The following SLC13A5 variants were observed in gnomAD, a reference collection of about 807,000 sequenced individuals.
The protein encoded by SLC13A5 is Na(+)/citrate cotransporter.
A neutral mutation model predicts 56.5 loss-of-function variants in SLC13A5; 25 were observed. That is an observed-to-expected ratio of 0.44 (90% confidence interval 0.32 to 0.62). SLC13A5 has a LOEUF of 0.62. Among genes scored for constraint, SLC13A5 ranks in the 20% least tolerant of loss-of-function variants. The pLI is 0.04. For synonymous variants in SLC13A5, 307 were observed against 301.5 expected (o/e 1.02, Z -0.19); for missense variants, 649 against 737.8 (o/e 0.88, Z 1.39).
rs1215244898 is a variant in SLC13A5, at chr17:6,692,233, A to T, written c.1275+811T>A. On this transcript the variant is annotated intron_variant, in intron 9 of 11. Transcript: ENST00000433363. This position sits in a 1 kb window ranked among gnomAD's most constrained non-coding sequence, Gnocchi z 5.5. ...GATAGATGGGTGGATGGATGGACAG[A>T]TGGATGGATGGATGGATGGATGGAT... 2.0e-5 allele frequency among the ~76,000 whole-genome samples: 2 copies of T among 101,550 alleles called. No individual in the cohort carries two copies. The highest frequency in any genetic ancestry group is 4.4e-5 in the Non-Finnish European group (2 of 44,982). 66.6% of individuals were successfully genotyped at this position (101,550 alleles called of 152,430 possible).
intron 11 of SLC13A5, 153 bp from the exon 12 acceptor site, chr17:6,686,491 A>G (rs1973256227): frequency 2.3e-6 from 2 of 870,288 alleles, no homozygotes; most frequent in South Asian, 3.3e-5. Context: ...GTGCGACTTC[A>G]TGTCCCCCAG....
rs1355898652 is a variant in SLC13A5 at position 6,694,155 on chromosome 17, C to T, written c.1098G>A (p.Leu366=). 1.2e-6 allele frequency: 2 copies of T among 1,613,616 alleles called. No homozygotes were observed. The highest frequency in any genetic ancestry group is 1.7e-5 in the Admixed American group (1 of 59,972). ...GCTTCTGTGAAGGCACAATGAATAG[C>T]AGGGTGGCCACAAAGATGGCCACAG... ...DATVAIFVAT[L]LFIVPSQKPK... Residue 366 remains leucine (L), a synonymous_variant, in exon 8 of 12, where the codon CTG becomes CTA. Transcript: ENST00000433363.
At chr17:6,698,673 G>C (rs1227924535) in intron 6 of SLC13A5, among the ~76,000 whole-genome samples, 4 of 152,210 alleles carry the variant, frequency 2.6e-5, no homozygotes, top group African/African-American at 9.6e-5. Context: ...TGCCTCAGTT[G>C]CCTTGTCTGT....
At position 6,703,158 on chromosome 17, in the gene SLC13A5, G is replaced by A. The variant is rs746243092; in HGVS notation, c.548-20C>T. 3.1e-6 allele frequency: 5 copies of A among 1,613,296 alleles called. No individual in the cohort carries two copies. Among genetic ancestry groups the A allele is most frequent in the Middle Eastern group, 1.7e-4 (1 of 6,058 alleles). ...GACTCCCTGTGGTGGGCACAGCGCT[G>A]TTAGCTGAGCCAGTCATGGGGGCTG... On this transcript the variant is annotated intron_variant, in intron 4 of 11. Coordinates refer to ENST00000433363, the MANE Select transcript of SLC13A5 (RefSeq NM_177550.5).
chr17:6,702,899 G>T, intron 5 of SLC13A5, 71 bp downstream of exon 5: 3 of 1,560,560 alleles, frequency 1.9e-6, no homozygotes, highest in Non-Finnish European at 1.7e-6. Flanking sequence ...GAGGAGCAGA[G>T]AGAGGTGGGC....
At position 6,711,521 on chromosome 17, in the gene SLC13A5, T is replaced by A. The variant is rs1360157009; in HGVS notation, c.102+1711A>T. Among the ~76,000 whole-genome samples, 1 of 151,508 alleles carries A rather than the reference T, an allele frequency of 6.6e-6. No individual in the cohort carries two copies. Among genetic ancestry groups the A allele is most frequent in the Non-Finnish European group, 1.5e-5 (1 of 67,872 alleles). The stretch of plus-strand genomic sequence containing the variant: ...GTGTGTGTGTGTATGTGTATGTGTG[T>A]GTTTGTGTTTTTTGTGTGTTTTGTG... On this transcript the variant is annotated intron_variant, in intron 1 of 11. Transcript: ENST00000433363. The surrounding 1 kb of genome is among the most constrained non-coding windows in gnomAD (Gnocchi z 4.0).
At chr17:6,696,939 T>C (rs1053144780) in intron 6 of SLC13A5, among the ~76,000 whole-genome samples, 2 of 152,122 alleles carry the variant, frequency 1.3e-5, no homozygotes, top group South Asian at 2.1e-4. Context: ...GTTGGTGTGA[T>C]GGTGGCTTGG....
rs879570549 is a variant in SLC13A5, at chr17:6,687,776, C to T, written c.1438-110G>A. 4 of 1,353,670 alleles carry T rather than the reference C, an allele frequency of 3.0e-6. No individual in the cohort carries two copies. The Admixed American group carries it at 1.3e-4, about 45-fold the overall frequency. 83.9% of individuals were successfully genotyped at this position (1,353,670 alleles called of 1,614,324 possible). On this transcript the variant is annotated intron_variant, in intron 10 of 11. Transcript: ENST00000433363. This position sits in a 1 kb window ranked among gnomAD's most constrained non-coding sequence, Gnocchi z 5.0. ...GCCGGGTACGTTTGAACCTCTGTGCCTCAGTCTTGGTTCCTCTCCCTTTTG... is the reference window on the plus strand; with the variant it reads ...GCCGGGTACGTTTGAACCTCTGTGCTTCAGTCTTGGTTCCTCTCCCTTTTG...
In SLC13A5 at chr17:6,687,994, T is replaced by TATTTTTTAATGATACG; in HGVS notation, c.1438-329_1438-328insCGTATCATTAAAAAAT. 5.3e-6 allele frequency: 1 copy of TATTTTTTAATGATACG among 187,670 alleles called. No homozygotes were observed. The highest frequency in any genetic ancestry group is 1.1e-5 in the Non-Finnish European group (1 of 91,676). The allele number at this position is 187,670 out of a possible 1,614,324, so 11.6% of individuals were successfully genotyped here. ...GCCGCGTGCACATGTCTGTCTGTCT[T>TATTTTTTAATGATACG]GCCACAGACTGAGAGAGCCTAGAGG... On this transcript the variant is annotated intron_variant, in intron 10 of 11. Coordinates refer to ENST00000433363, the MANE Select transcript of SLC13A5 (RefSeq NM_177550.5). This position sits in a 1 kb window ranked among gnomAD's most constrained non-coding sequence, Gnocchi z 5.0.
In SLC13A5 at chr17:6,711,688, A is replaced by AGT. The variant is rs754982860; in HGVS notation, c.102+1542_102+1543dup. On this transcript the variant is annotated intron_variant, in intron 1 of 11. Coordinates refer to ENST00000433363, the MANE Select transcript of SLC13A5 (RefSeq NM_177550.5). This position sits in a 1 kb window ranked among gnomAD's most constrained non-coding sequence, Gnocchi z 4.0. ...GTGTGTGTGTCTGTGTGTGTTTGTGAGTGTGTGTGTGTGAGAGAGAGAGTG... is the reference window on the plus strand; with the variant it reads ...GTGTGTGTGTCTGTGTGTGTTTGTGAGTGTGTGTGTGTGTGAGAGAGAGAGTG... 1.4e-5 allele frequency among the ~76,000 whole-genome samples: 2 copies of AGT among 146,586 alleles called. No individual in the cohort carries two copies. Among genetic ancestry groups the AGT allele is most frequent in the East Asian group, 2.0e-4 (1 of 4,978 alleles).
Position 6,706,643 on chromosome 17 carries a change from G to A in SLC13A5, c.367C>T (p.Arg123Trp), listed in dbSNP as rs754937425. 67 of 1,613,250 alleles carry A rather than the reference G, an allele frequency of 4.2e-5. No homozygotes were observed. Among genetic ancestry groups the A allele is most frequent in the East Asian group, 1.1e-4 (5 of 44,862 alleles). The change falls in exon 3 of 12, where the codon CGG (arginine) becomes TGG (tryptophan). Residue 123 changes from arginine to tryptophan, a missense_variant and splice_region_variant. Arg to Trp is a moderately radical substitution (Grantham distance 101, BLOSUM62 -3). Coordinates refer to ENST00000433363, the MANE Select transcript of SLC13A5 (RefSeq NM_177550.5). The part of the protein sequence containing the change: ...TLLWVGAKPA[R>W]LMLGFMGVTA... ...GCAAGAGAGAGAAGGCGTAATTACC[G>A]TGCAGGCTTGGCCCCCACCCAGAGG...
At chr17:6,694,040 C>T in intron 8 of SLC13A5, 57 bp downstream of exon 8, 2 of 1,205,200 alleles carry the variant, frequency 1.7e-6, no homozygotes, top group South Asian at 1.3e-5. Context: ...CCCATAGTGA[C>T]CCTTTGGTTC....
chr17:6,698,687 T>C (rs1318994512), intron 6 of SLC13A5, among the ~76,000 whole-genome samples: 3 of 152,140 alleles, frequency 2.0e-5, no homozygotes, highest in Non-Finnish European at 2.9e-5. Flanking sequence ...TGTCTGTAAA[T>C]TGGGAATAAT....
In SLC13A5 at chr17:6,686,046, G is replaced by A. The variant is rs939448842; in HGVS notation, c.*161C>T. 3.0e-4 allele frequency: 299 copies of A among 1,001,284 alleles called. 2 individuals carry two copies. The Admixed American group carries it at 6.4e-3, about 21-fold the overall frequency. 62.0% of individuals were successfully genotyped at this position (1,001,284 alleles called of 1,614,324 possible). A position where few individuals can be genotyped will look rare whatever the true frequency, so the allele number is the denominator to read the frequency against. The stretch of plus-strand genomic sequence containing the variant: ...GCTGCCCATGACCATCTCTGCATCT[G>A]GGCTTGGAGGAAGAGGTGGCCCATT... On this transcript the variant is annotated 3_prime_UTR_variant, in exon 12 of 12. Coordinates refer to ENST00000433363, the MANE Select transcript of SLC13A5 (RefSeq NM_177550.5).
Position 6,687,692 on chromosome 17 carries a change from C to T in SLC13A5, c.1438-26G>A, listed in dbSNP as rs371209799. ...CTGCGGAAAAACAGCACTGCAACAT[C>T]ACCGTACAGAACACAGAAGCTCTTG... On this transcript the variant is annotated intron_variant, in intron 10 of 11. Coordinates refer to ENST00000433363, the MANE Select transcript of SLC13A5 (RefSeq NM_177550.5). This position sits in a 1 kb window ranked among gnomAD's most constrained non-coding sequence, Gnocchi z 5.0. 1.9e-6 allele frequency: 3 copies of T among 1,579,270 alleles called. No homozygotes were observed. The highest frequency in any genetic ancestry group is 2.7e-5 in the African/African-American group (2 of 73,348).
rs569450033 is a variant in SLC13A5 at position 6,705,936 on chromosome 17, C to A, written c.368+706G>T. Among the ~76,000 whole-genome samples the A allele has an allele frequency of 3.2e-4, 48 of 152,318 alleles. 1 individual carries two copies. Among genetic ancestry groups the A allele is most frequent in the African/African-American group, 1.1e-3 (47 of 41,570 alleles). Reference sequence around the variant, plus strand: ...CTTTATCCCTCTCTGCCTCCAATCCCTCATCCACAGAATGTGGGCAGTAAG... The same window carrying A: ...CTTTATCCCTCTCTGCCTCCAATCCATCATCCACAGAATGTGGGCAGTAAG... On this transcript the variant is annotated intron_variant, in intron 3 of 11. Transcript: ENST00000433363.
intron 11 of SLC13A5, 67 bp from the exon 12 acceptor site, chr17:6,686,405 A>T (rs1306893754): frequency 1.0e-5 from 16 of 1,602,116 alleles, no homozygotes; most frequent in Non-Finnish European, 1.3e-5. Context: ...GAGGAGGACA[A>T]AGGGTCGGCT....
rs772036084 is a variant in SLC13A5 at position 6,687,549 on chromosome 17, G to T, written c.1555C>A (p.His519Asn). The T allele has an allele frequency of 6.2e-7, 1 of 1,613,588 alleles. No homozygotes were observed. Among genetic ancestry groups the T allele is most frequent in the South Asian group, 1.1e-5 (1 of 90,874 alleles). Residue 519 changes from histidine (H) to asparagine (N), a missense_variant, in exon 11 of 12, where the codon CAC (histidine) becomes AAC (asparagine). His to Asn is a moderately conservative substitution (Grantham distance 68). Transcript: ENST00000433363. This position sits in a 1 kb window ranked among gnomAD's most constrained non-coding sequence, Gnocchi z 5.0. Reference protein sequence around the residue: ...PPNAIVFTYGHLKVADMVKTG... With the variant: ...PPNAIVFTYGNLKVADMVKTG... ...GTTACCATGTCAGCAACCTTGAGGT[G>T]CCCATAGGTGAACACGATGGCATTT...
Position 6,686,219 on chromosome 17 carries a change from A to T in SLC13A5, c.1695T>A (p.His565Gln). 1 of 1,614,032 alleles carries T rather than the reference A, an allele frequency of 6.2e-7. No homozygotes were observed. Among genetic ancestry groups the T allele is most frequent in the Non-Finnish European group, 8.5e-7 (1 of 1,180,020 alleles). ...CTTGTGGCTCTTCCTAAGTCTCAATATGTGTCACATTAGCCCAGTCAGGGA... is the reference window on the plus strand; with the variant it reads ...CTTGTGGCTCTTCCTAAGTCTCAATTTGTGTCACATTAGCCCAGTCAGGGA... ...DHFPDWANVTHIET is the reference protein window; with the variant it reads ...DHFPDWANVTQIET Residue 565 changes from histidine to glutamine, a missense_variant, in exon 12 of 12, where the codon CAT becomes CAA. Transcript: ENST00000433363.
Sources: gnomAD v4.1 joint callset for allele counts (sites outside exome capture counted in the v4.1 genomes callset) on GRCh38, gnomAD v4.1.1 for gene constraint, Gnocchi (gnomAD v3.1) non-coding constraint, MANE v1.5 for transcripts, NCBI Gene and HGNC (gene_info 2026-07-23, HGNC 2026-07-21) for gene names.